The following GAS7 variants were observed in gnomAD, a reference collection of about 807,000 sequenced individuals.
GAS7 encodes the protein growth arrest-specific protein 7.
Under a neutral mutation model 71.1 loss-of-function variants are expected in GAS7, and 28 were observed. That is an observed-to-expected ratio of 0.39 (90% confidence interval 0.29 to 0.54). GAS7 has a LOEUF of 0.54. Ranked by LOEUF, GAS7 falls within the 20% of genes least tolerant of loss-of-function variation. GAS7 has a pLI of 0.62. For missense variants in GAS7, 436 were observed against 627.8 expected (o/e 0.69, Z 3.27); for synonymous variants, 258 against 245.8 (o/e 1.05, Z -0.46).
intron 1 of GAS7, among the ~76,000 whole-genome samples, chr17:10,116,027 T>C (rs2073858170): frequency 6.6e-6 from 1 of 152,156 alleles, no homozygotes; most frequent in African/African-American, 2.4e-5. Context: ...TGAGGTTGGG[T>C]TGGCCGGCCA....
In GAS7 at chr17:10,019,762, C is replaced by T. The variant is rs201768038; in HGVS notation, c.304+15G>A. The T allele has an allele frequency of 1.9e-6, 3 of 1,609,338 alleles. No homozygotes were observed. Among genetic ancestry groups the T allele is most frequent in the East Asian group, 2.2e-5 (1 of 44,782 alleles). On this transcript the variant is annotated intron_variant, in intron 2 of 13. Transcript: ENST00000432992. ...CAGGGGGTTGGTGCAGGATTCTCCC[C>T]CGAGCGGGACTCACCATTGGTGGTC...
chr17:10,167,507 G>A (rs563350043), intron 1 of GAS7, among the ~76,000 whole-genome samples: 2 of 152,246 alleles, frequency 1.3e-5, no homozygotes, highest in South Asian at 2.1e-4. Flanking sequence ...ACTGAGCCTG[G>A]GGTGAGATGG....
chr17:10,021,116 C>T (rs1246980576), intron 1 of GAS7, among the ~76,000 whole-genome samples: 2 of 152,114 alleles, frequency 1.3e-5, no homozygotes, highest in Non-Finnish European at 2.9e-5. Context: ...CGTAAGATTG[C>T]TGTGCCTTTT....
chr17:9,997,321 T>G (rs112164739), intron 2 of GAS7, among the ~76,000 whole-genome samples: 47 of 152,252 alleles, frequency 3.1e-4, no homozygotes, highest in African/African-American at 1.0e-3. Flanking sequence ...GGTAAAGACC[T>G]TTTAAAGTGT....
At chr17:10,183,650 T>G (rs1237951181) in intron 1 of GAS7, among the ~76,000 whole-genome samples, 4 of 152,120 alleles carry the variant, frequency 2.6e-5, no homozygotes. Context: ...CCATCCTGGC[T>G]AACACGGTGA....
intron 1 of GAS7, among the ~76,000 whole-genome samples, chr17:10,118,924 G>C (rs2073884244): frequency 6.6e-6 from 1 of 152,066 alleles, no homozygotes. Flanking sequence ...ACTGTAAGAG[G>C]ATTCTTACAT....
intron 1 of GAS7, among the ~76,000 whole-genome samples, chr17:10,108,827 T>TC (rs1477354810): frequency 6.6e-6 from 1 of 152,078 alleles, no homozygotes; most frequent in Non-Finnish European, 1.5e-5. Flanking sequence ...TATACAAAAA[T>TC]CAACTCAAGA....
rs563402068 is a variant in GAS7, at chr17:10,188,356, T to C, written c.183+9852A>G. ...TAGTTCCTTCTGGTGTACATTGAGG[T>C]TGTTGTTCATCTTGTGCTATCAGAG... On this transcript the variant is annotated intron_variant, in intron 1 of 13. Coordinates refer to ENST00000432992, the MANE Select transcript of GAS7 (RefSeq NM_201433.2). Among the ~76,000 whole-genome samples, 4 of 152,312 alleles carry C rather than the reference T, an allele frequency of 2.6e-5. No individual in the cohort carries two copies. In the East Asian group the frequency reaches 7.7e-4, roughly 29 times the overall value.
intron 1 of GAS7, among the ~76,000 whole-genome samples, chr17:10,097,202 C>T (rs1364635325): frequency 6.6e-6 from 1 of 152,222 alleles, no homozygotes; most frequent in Non-Finnish European, 1.5e-5. Flanking sequence ...ATTCTGAATA[C>T]ATTTACTACA....
At chr17:10,051,792 G>A (rs1177880264) in intron 1 of GAS7, among the ~76,000 whole-genome samples, 2 of 152,108 alleles carry the variant, frequency 1.3e-5, no homozygotes, top group East Asian at 1.9e-4. Context: ...ACCCCAGATC[G>A]ATCGCTCAAG....
chr17:10,150,740 C>A (rs2074159485), intron 1 of GAS7, among the ~76,000 whole-genome samples: 1 of 152,012 alleles, frequency 6.6e-6, no homozygotes, highest in Non-Finnish European at 1.5e-5. Context: ...AGGCATGCAT[C>A]ACTACCGCCC....
At chr17:9,921,742 G>T (rs977997343) in intron 11 of GAS7, among the ~76,000 whole-genome samples, 4 of 151,972 alleles carry the variant, frequency 2.6e-5, no homozygotes, top group Non-Finnish European at 5.9e-5. Context: ...GGTGGATCAC[G>T]AGGTCAGGAC....
chr17:9,977,868 T>A (rs772931446), intron 3 of GAS7, among the ~76,000 whole-genome samples: 2 of 152,150 alleles, frequency 1.3e-5, no homozygotes, highest in African/African-American at 2.4e-5. Flanking sequence ...ATGAACCAGC[T>A]CTGTGGGTGG....
At chr17:10,054,209 T>C (rs1488057043) in intron 1 of GAS7, among the ~76,000 whole-genome samples, 4 of 151,992 alleles carry the variant, frequency 2.6e-5, no homozygotes, top group Non-Finnish European at 5.9e-5. Flanking sequence ...CTTCTTTTCA[T>C]AGACATGGGT....
intron 2 of GAS7, among the ~76,000 whole-genome samples, chr17:10,003,035 A>C (rs559374490): frequency 6.6e-6 from 1 of 152,328 alleles, no homozygotes; most frequent in South Asian, 2.1e-4. Context: ...CTTATTTCCA[A>C]ATAAGATCAC....
At chr17:10,018,803 T>C (rs1371836159) in intron 2 of GAS7, among the ~76,000 whole-genome samples, 2 of 152,166 alleles carry the variant, frequency 1.3e-5, no homozygotes, top group East Asian at 3.8e-4. Flanking sequence ...GGTCATGTAG[T>C]CAGGCAGGCA....
Position 9,916,692 on chromosome 17 carries a change from A to C in GAS7, c.*536T>G. ...GTGATGAACAGTGGCTGAGAAAGCC[A>C]GATGTGGACTCCCAGAATGCAATGG... On this transcript the variant is annotated 3_prime_UTR_variant, in exon 14 of 14. Coordinates refer to ENST00000432992, the MANE Select transcript of GAS7 (RefSeq NM_201433.2). 1 of 357,364 alleles carries C rather than the reference A, an allele frequency of 2.8e-6. No individual in the cohort carries two copies. 22.1% of individuals were successfully genotyped at this position (357,364 alleles called of 1,614,324 possible). A position where few individuals can be genotyped will look rare whatever the true frequency, so the allele number is the denominator to read the frequency against.
At chr17:10,044,369 T>A (rs1374384770) in intron 1 of GAS7, among the ~76,000 whole-genome samples, 1 of 152,218 alleles carries the variant, frequency 6.6e-6, no homozygotes, top group South Asian at 2.1e-4. Context: ...GGGGTGGCCA[T>A]GAAGTTACTA....
At chr17:10,147,574 C>T (rs1180993652) in intron 1 of GAS7, among the ~76,000 whole-genome samples, 1 of 152,192 alleles carries the variant, frequency 6.6e-6, no homozygotes, top group Non-Finnish European at 1.5e-5. Flanking sequence ...TTGCCTCTTA[C>T]AGCTCAAAAG....
Sources: allele counts gnomAD v4.1 joint callset (sites outside exome capture counted in the v4.1 genomes callset), GRCh38; gene constraint gnomAD v4.1.1; transcripts MANE v1.5; gene names NCBI Gene and HGNC (gene_info 2026-07-23, HGNC 2026-07-21).